The following ARMC6 variants were observed in gnomAD, a reference collection of about 807,000 sequenced individuals.
ARMC6 encodes armadillo repeat-containing protein 6.
In ARMC6, 43 loss-of-function variants were observed where a neutral mutation model predicts 49.2. That is an observed-to-expected ratio of 0.87 (90% CI 0.69 to 1.13). The LOEUF (loss-of-function observed/expected upper bound fraction) is 1.13, where lower values mean the gene tolerates loss of function less well. ARMC6 is among the 50% of genes most tolerant of loss of function. The pLI, the probability that ARMC6 is intolerant of heterozygous loss-of-function variation, is 0.00. For synonymous variants in ARMC6, 262 were observed against 289.6 expected, an observed-to-expected ratio of 0.90 and a Z score of 0.97; for missense variants, 627 against 682.0, an observed-to-expected ratio of 0.92 and a Z score of 0.90.
Position 19,044,023 on chromosome 19 carries a change from AC to A in ARMC6, c.230del (p.Pro77LeufsTer89). On this transcript the variant is annotated frameshift_variant, in exon 4 of 9. Coordinates refer to ENST00000535612, the MANE Select transcript of ARMC6 (RefSeq NM_001199196.2). LOFTEE classifies it high-confidence loss of function. ...VDLSNIVKTA[P>X]KVSADGSQEP... ...ATCTGAGCAACATTGTAAAGACGGC[AC>A]CTAAAGTCTCTGCAGACGGATCCCA... is the stretch of plus-strand genomic sequence containing the variant. 6.2e-7 allele frequency: 1 copy of A among 1,614,144 alleles called. No homozygotes were observed.
At chr19:19,056,945 G>T (rs1174654676) in intron 8 of ARMC6, among the ~76,000 whole-genome samples, 3 of 152,206 alleles carry the variant, frequency 2.0e-5, no homozygotes, top group Non-Finnish European at 4.4e-5. Context: ...TCCTGCTGGT[G>T]GTGGGAGCCA....
Position 19,054,078 on chromosome 19 carries a change from G to C in ARMC6, c.854-74G>C. 2 of 1,397,550 alleles carry C rather than the reference G, an allele frequency of 1.4e-6. 1 individual carries two copies. Among genetic ancestry groups the C allele is most frequent in the South Asian group, 3.1e-5 (2 of 65,176 alleles). The allele number at this position is 1,397,550 out of a possible 1,614,324, so 86.6% of individuals were successfully genotyped here. A position where few individuals can be genotyped will look rare whatever the true frequency, so the allele number is the denominator to read the frequency against. On this transcript the variant is annotated intron_variant, in intron 5 of 8. Transcript: ENST00000535612. ...AGGGCTGGACTCTTCCAGTGGAGCA[G>C]GATCTCCACCAAAACAGAGGGCCCT...
In ARMC6 at chr19:19,051,837, G is replaced by C. The variant is rs774614510; in HGVS notation, c.495G>C (p.Leu165=). Residue 165 remains leucine (L), a synonymous_variant, in exon 5 of 9, where the codon CTG becomes CTC. Transcript: ENST00000535612. Reference sequence around the variant, plus strand: ...AGTCCCTCAATGCCCTGTCGGTGCTGACTGATGGACAGCCAGACCTCCTGG... The same window carrying C: ...AGTCCCTCAATGCCCTGTCGGTGCTCACTGATGGACAGCCAGACCTCCTGG... ...LLQSLNALSV[L]TDGQPDLLDA... 6.2e-7 allele frequency: 1 copy of C among 1,614,114 alleles called. No individual in the cohort carries two copies. The highest frequency in any genetic ancestry group is 8.5e-7 in the Non-Finnish European group (1 of 1,180,034).
intron 4 of ARMC6, 51 bp downstream of exon 4, chr19:19,044,125 G>A (rs754182807): frequency 1.3e-6 from 2 of 1,538,850 alleles, no homozygotes; most frequent in Admixed American, 1.7e-5. Context: ...CTGTCTGGGG[G>A]CACCTCTTCC....
chr19:19,056,370 T>A (rs984432182), intron 8 of ARMC6, among the ~76,000 whole-genome samples: 5 of 151,382 alleles, frequency 3.3e-5, no homozygotes, highest in African/African-American at 4.9e-5. Context: ...CAAGCGATTC[T>A]CCTGTCTCAG....
intron 3 of ARMC6, among the ~76,000 whole-genome samples, chr19:19,043,142 G>A (rs865883452): frequency 5.3e-5 from 8 of 152,190 alleles, no homozygotes; most frequent in South Asian, 2.1e-4. Context: ...GACTTTCCCT[G>A]ACCCTGGCCT....
chr19:19,050,413 C>T (rs964979148), intron 4 of ARMC6, among the ~76,000 whole-genome samples: 2 of 152,122 alleles, frequency 1.3e-5, no homozygotes, highest in South Asian at 2.1e-4. Flanking sequence ...ATGAATGCTC[C>T]GTATGTTGCC....
chr19:19,037,293 A>T (rs1290008870), intron 2 of ARMC6, among the ~76,000 whole-genome samples: 1 of 151,904 alleles, frequency 6.6e-6, no homozygotes, highest in Non-Finnish European at 1.5e-5. Flanking sequence ...CATGGTGGGC[A>T]TCTGCAGGAA....
At chr19:19,038,121 A>G (rs563634125) in intron 2 of ARMC6, among the ~76,000 whole-genome samples, 161 of 152,298 alleles carry the variant, frequency 1.1e-3, no homozygotes, top group African/African-American at 3.8e-3. Context: ...ATGAAAATCT[A>G]ATGCCTGATG....
At chr19:19,056,067 C>G in intron 8 of ARMC6, 139 bp downstream of exon 8, 2 of 1,029,426 alleles carry the variant, frequency 1.9e-6, no homozygotes, top group Non-Finnish European at 2.6e-6. Flanking sequence ...CTGTCCCTGT[C>G]CCTCCCACAG....
In ARMC6 at chr19:19,057,580, C is replaced by T. The variant is rs151323112; in HGVS notation, c.1458C>T (p.Val486=). The change falls in exon 9 of 9, where the codon GTC becomes GTT. Residue 486 remains valine (V), a synonymous_variant. Transcript: ENST00000535612. The part of the protein sequence containing the change: ...KAALRDLGCH[V]ELRELWTGQR... ...CCCTGCGGGACCTGGGTTGTCATGTCGAGCTCCGAGAGCTGTGGACAGGCC... is the reference window on the plus strand; with the variant it reads ...CCCTGCGGGACCTGGGTTGTCATGTTGAGCTCCGAGAGCTGTGGACAGGCC... 1,220 of 1,613,542 alleles carry T rather than the reference C, an allele frequency of 7.6e-4. 14 individuals are homozygous for T. In the African/African-American group the frequency reaches 0.014, roughly 19 times the overall value.
At chr19:19,044,863 G>A (rs73008942) in intron 4 of ARMC6, among the ~76,000 whole-genome samples, 4,569 of 152,284 alleles carry the variant, frequency 0.03, 93 homozygotes, top group Non-Finnish European at 0.047. Flanking sequence ...GTGTAAACCC[G>A]GCTTGCCTAA....
chr19:19,053,339 T>C (rs1451167227), intron 5 of ARMC6, among the ~76,000 whole-genome samples: 1 of 151,942 alleles, frequency 6.6e-6, no homozygotes, highest in Non-Finnish European at 1.5e-5. Flanking sequence ...AATACAAAAA[T>C]TGCTGGGCGT....
Position 19,044,019 on chromosome 19 carries a change from C to T in ARMC6, c.224C>T (p.Thr75Met), listed in dbSNP as rs768188157. Residue 75 changes from threonine to methionine, a missense_variant, in exon 4 of 9, where the codon ACG becomes ATG. Physicochemically the swap from Thr to Met is moderately conservative, Grantham distance 81. Transcript: ENST00000535612. ...QGVDLSNIVK[T>M]APKVSADGSQ... ...GTTGATCTGAGCAACATTGTAAAGA[C>T]GGCACCTAAAGTCTCTGCAGACGGA... The T allele has an allele frequency of 4.3e-5, 69 of 1,614,020 alleles. 1 individual carries two copies. Among genetic ancestry groups the T allele is most frequent in the South Asian group, 1.1e-4 (10 of 91,094 alleles).
chr19:19,036,912 G>A (rs1465755319), intron 2 of ARMC6, among the ~76,000 whole-genome samples: 2 of 152,174 alleles, frequency 1.3e-5, no homozygotes, highest in East Asian at 3.9e-4. Flanking sequence ...CTGGCTGGGC[G>A]TGGTGGCTCA....
At chr19:19,040,839 AT>A (rs772584095) in intron 2 of ARMC6, 452 of 375,636 alleles carry the variant, frequency 1.2e-3, no homozygotes, top group East Asian at 2.4e-3. Context: ...TATGTACTGG[AT>A]TTTTTTTTAA....
rs771497905 is a variant in ARMC6, at chr19:19,055,407, C to CG, written c.1155+17dup. On this transcript the variant is annotated intron_variant, in intron 7 of 8. Coordinates refer to ENST00000535612, the MANE Select transcript of ARMC6 (RefSeq NM_001199196.2). The surrounding 1 kb of genome is among the most constrained non-coding windows in gnomAD (Gnocchi z 5.7). ...CTGACCAGCCCCCAGGTACCCACCT[C>CG]GGGGGGCACACACAGTAGCAGGGTG... 7.5e-6 allele frequency: 12 copies of CG among 1,592,496 alleles called. No individual in the cohort carries two copies. Among genetic ancestry groups the CG allele is most frequent in the African/African-American group, 2.7e-5 (2 of 74,248 alleles).
chr19:19,037,959 A>C (rs2059383498), intron 2 of ARMC6, among the ~76,000 whole-genome samples: 1 of 152,182 alleles, frequency 6.6e-6, no homozygotes, highest in Admixed American at 6.6e-5. Flanking sequence ...GCGTAGGGTG[A>C]GCGAGTGAAG....
chr19:19,049,820 T>TA (rs1251804651), intron 4 of ARMC6, among the ~76,000 whole-genome samples: 1 of 152,142 alleles, frequency 6.6e-6, no homozygotes, highest in Non-Finnish European at 1.5e-5. Context: ...GGTCAGGAGT[T>TA]AGAGACCAGC....
Sources: allele counts gnomAD v4.1 joint callset (sites outside exome capture counted in the v4.1 genomes callset), GRCh38; gene constraint gnomAD v4.1.1; non-coding constraint Gnocchi (gnomAD v3.1); transcripts MANE v1.5; gene names NCBI Gene and HGNC (gene_info 2026-07-23, HGNC 2026-07-21).